Variants in PLD3 observed in about 807,000 individuals in gnomAD.
PLD3 encodes 5'-3' exonuclease PLD3.
In PLD3, 31 loss-of-function variants were observed where a neutral mutation model predicts 58.4. The observed-to-expected ratio is 0.53, with a 90% CI of 0.40 to 0.72. PLD3 has a LOEUF of 0.72. Among genes scored for constraint, PLD3 ranks in the 30% least tolerant of loss-of-function variants. The pLI, the probability that PLD3 is intolerant of heterozygous loss-of-function variation, is 0.00. For synonymous variants in PLD3, 264 were observed against 273.4 expected, an observed-to-expected ratio of 0.97 and a Z score of 0.34; for missense variants, 595 against 659.8, an observed-to-expected ratio of 0.90 and a Z score of 1.08.
chr19:40,366,984 A>G (rs2078940866), intron 5 of PLD3, 69 bp downstream of exon 5: 5 of 1,502,726 alleles, frequency 3.3e-6, no homozygotes, highest in Non-Finnish European at 4.5e-6. Flanking sequence ...GCACACACTA[A>G]ACAGGGCCTG....
intron 1 of PLD3, among the ~76,000 whole-genome samples, chr19:40,353,532 C>T (rs1395366168): frequency 6.6e-6 from 1 of 152,170 alleles, no homozygotes; most frequent in Non-Finnish European, 1.5e-5. Flanking sequence ...GATGGTAACA[C>T]TGCTTTGCCC....
At chr19:40,371,289 A>G (rs922691726) in intron 8 of PLD3, among the ~76,000 whole-genome samples, 2 of 152,210 alleles carry the variant, frequency 1.3e-5, no homozygotes, top group Non-Finnish European at 2.9e-5. Context: ...CCCAATGGGA[A>G]GACCAGTTTG....
intron 1 of PLD3, among the ~76,000 whole-genome samples, chr19:40,363,879 A>G (rs1299350111): frequency 6.6e-6 from 1 of 152,150 alleles, no homozygotes; most frequent in Admixed American, 6.5e-5. Flanking sequence ...TCTTGGAGTA[A>G]GGGGAGCACC....
intron 1 of PLD3, among the ~76,000 whole-genome samples, chr19:40,350,518 T>C (rs2145653480): frequency 6.6e-6 from 1 of 151,538 alleles, no homozygotes; most frequent in South Asian, 2.1e-4. Context: ...GTGAAGTGGG[T>C]GGATCACCTG....
chr19:40,354,053 C>G (rs1485607554), intron 1 of PLD3, among the ~76,000 whole-genome samples: 1 of 150,770 alleles, frequency 6.6e-6, no homozygotes, highest in South Asian at 2.1e-4. Flanking sequence ...ACCACCATCC[C>G]CAGCTATTTT....
At position 40,371,718 on chromosome 19, in the gene PLD3, C is replaced by G. The variant is rs749875620; in HGVS notation, c.724C>G (p.Arg242Gly). The change falls in exon 9 of 13, where the codon CGA (arginine) becomes GGA (glycine). Residue 242 changes from arginine to glycine, a missense_variant. Physicochemically the swap from Arg to Gly is moderately radical, Grantham distance 125 (BLOSUM62 -2). Transcript: ENST00000409735. ...VVMYNCSCLARDLTKIFEAYW... is the reference protein window; with the variant it reads ...VVMYNCSCLAGDLTKIFEAYW... ...CATGTACAACTGCAGCTGCCTGGCT[C>G]GAGACCTGACCAAGATCTTTGAGGC... 6 of 1,613,820 alleles carry G rather than the reference C, an allele frequency of 3.7e-6. No homozygotes were observed. The Admixed American group carries it at 1.0e-4, about 27-fold the overall frequency.
At position 40,366,464 on chromosome 19, in the gene PLD3, TC is replaced by T. The variant is rs752708568; in HGVS notation, c.-15del. 3.7e-6 allele frequency: 6 copies of T among 1,613,208 alleles called. No individual in the cohort carries two copies. The highest frequency in any genetic ancestry group is 3.3e-5 in the South Asian group (3 of 91,072). On this transcript the variant is annotated 5_prime_UTR_variant, in exon 3 of 13. Transcript: ENST00000409735. ...CACCTTCTCACCTGGGCTCTGCGTA[TC>T]CCCCAGCCTTGAGGGAAGATGAAGC...
intron 1 of PLD3, among the ~76,000 whole-genome samples, chr19:40,354,069 CTTTTTTT>C (rs36125021): frequency 7.7e-5 from 6 of 78,252 alleles, no homozygotes; most frequent in Admixed American, 3.4e-4. Context: ...ATTTTTTAGC[CTTTTTTT>C]TTTTTTTTTT....
chr19:40,375,668 A>AG (rs1356552749), intron 10 of PLD3, among the ~76,000 whole-genome samples: 2 of 150,046 alleles, frequency 1.3e-5, no homozygotes, highest in Admixed American at 1.3e-4. Context: ...AAAAAAGAAA[A>AG]GAAAAAAAAA....
intron 1 of PLD3, among the ~76,000 whole-genome samples, chr19:40,353,929 C>G (rs2078584953): frequency 6.6e-6 from 1 of 151,874 alleles, no homozygotes; most frequent in Non-Finnish European, 1.5e-5. Flanking sequence ...GGGTCTTGCT[C>G]TCTCACCCAG....
Position 40,373,489 on chromosome 19 carries a change from A to C in PLD3, c.880-992A>C, listed in dbSNP as rs191233982. Among the ~76,000 whole-genome samples, 543 of 151,638 alleles carry C rather than the reference A, an allele frequency of 3.6e-3. 1 individual carries two copies. Among genetic ancestry groups the C allele is most frequent in the African/African-American group, 0.013 (528 of 41,286 alleles). On this transcript the variant is annotated intron_variant, in intron 9 of 12. Transcript: ENST00000409735. ...CTACTCGGGAGGCTGAGGCAGGAGA[A>C]TCACTTGAACCCAGGAGGTAGAGGT...
chr19:40,372,725 A>T (rs561838316), intron 9 of PLD3, among the ~76,000 whole-genome samples: 20 of 151,294 alleles, frequency 1.3e-4, no homozygotes, highest in Admixed American at 4.6e-4. Context: ...CATAATATTA[A>T]TTAAAATTAG....
At chr19:40,377,196 C>T (rs1224459973) in intron 11 of PLD3, among the ~76,000 whole-genome samples, 16 of 118,856 alleles carry the variant, frequency 1.3e-4, no homozygotes, top group Admixed American at 3.7e-4. Context: ...ATGGAGGAGG[C>T]CCAGGCAGAG....
intron 7 of PLD3, 39 bp from the exon 8 acceptor site, chr19:40,370,071 C>G (rs748828564): frequency 7.6e-6 from 12 of 1,582,286 alleles, no homozygotes; most frequent in Non-Finnish European, 1.0e-5. Context: ...CCTGGGGGTA[C>G]CCAGCCTGGC....
intron 10 of PLD3, among the ~76,000 whole-genome samples, chr19:40,376,042 G>A (rs2079190012): frequency 6.7e-6 from 1 of 150,360 alleles, no homozygotes; most frequent in African/African-American, 2.4e-5. Context: ...GATAGAGCAA[G>A]AACCTGTCTC....
chr19:40,360,984 T>C lies in PLD3; in HGVS notation c.-278-4734T>C, dbSNP rs144660987. Among the ~76,000 whole-genome samples the C allele has an allele frequency of 5.3e-4, 80 of 152,274 alleles. 1 individual carries two copies. The highest frequency in any genetic ancestry group is 1.8e-3 in the African/African-American group (76 of 41,556). ...TTTTTGAGGCCACCATTCAACCCAC[T>C]ACAAAATCCAACTGAAGCCCAGCGA... On this transcript the variant is annotated intron_variant, in intron 1 of 12. Transcript: ENST00000409735.
intron 6 of PLD3, among the ~76,000 whole-genome samples, chr19:40,368,935 AAAAG>A (rs988803573): frequency 2.0e-5 from 3 of 151,706 alleles, no homozygotes; most frequent in African/African-American, 7.3e-5. Flanking sequence ...AAAAAAAAGA[AAAAG>A]AAAAAGTAAT....
At chr19:40,367,518 C>G (rs2078956723) in intron 5 of PLD3, 178 bp from the exon 6 acceptor site, 1 of 546,144 alleles carries the variant, frequency 1.8e-6, no homozygotes, top group Non-Finnish European at 3.2e-6. Context: ...GGGTTCGAGG[C>G]TGCAGTGAGC....
chr19:40,362,071 A>C (rs1308431790), intron 1 of PLD3, among the ~76,000 whole-genome samples: 1 of 152,090 alleles, frequency 6.6e-6, no homozygotes, highest in African/African-American at 2.4e-5. Flanking sequence ...GCCAGACCTC[A>C]GGTGATCCAC....
Sources: gnomAD v4.1 joint callset for allele counts (sites outside exome capture counted in the v4.1 genomes callset) on GRCh38, gnomAD v4.1.1 for gene constraint, MANE v1.5 for transcripts, NCBI Gene and HGNC (gene_info 2026-07-23, HGNC 2026-07-21) for gene names.